DLC1: variants seen among roughly 807,000 people sequenced by gnomAD.
DLC1 encodes the protein DLC1 Rho GTPase activating protein, also known as rho GTPase-activating protein 7.
DLC1 carries 54 observed loss-of-function variants against 140.3 expected under a neutral mutation model. The observed-to-expected ratio is 0.38, with a 90% confidence interval of 0.31 to 0.48. DLC1 has a LOEUF of 0.48. Ranked by LOEUF, DLC1 falls within the 20% of genes least tolerant of loss-of-function variation. The pLI, the probability that DLC1 is intolerant of heterozygous loss-of-function variation, is 0.96. For synonymous variants in DLC1, 986 were observed against 728.1 expected (o/e 1.35, Z -5.70); for missense variants, 2,536 against 1,907.0 (o/e 1.33, Z -6.14).
intron 4 of DLC1, among the ~76,000 whole-genome samples, chr8:13,387,400 G>C (rs941509469): frequency 6.6e-6 from 1 of 151,544 alleles, no homozygotes; most frequent in Non-Finnish European, 1.5e-5. Flanking sequence ...ATGATAACAT[G>C]GTAAAACAAA....
intron 5 of DLC1, among the ~76,000 whole-genome samples, chr8:13,221,702 G>T (rs1828558057): frequency 7.7e-6 from 1 of 129,058 alleles, no homozygotes; most frequent in African/African-American, 3.0e-5. Flanking sequence ...GTGTGTATAT[G>T]TGTGTGTATA....
chr8:13,507,869 G>C (rs6530637), intron 1 of DLC1, among the ~76,000 whole-genome samples: 149,241 of 152,242 alleles, frequency 0.98, 73,230 homozygotes, highest in East Asian at 1. Flanking sequence ...CACATCCAAC[G>C]TTCCATCAGG....
chr8:13,197,358 T>C (rs1474185728), intron 5 of DLC1, among the ~76,000 whole-genome samples: 1 of 151,818 alleles, frequency 6.6e-6, no homozygotes, highest in Non-Finnish European at 1.5e-5. Context: ...ATTCAATTTA[T>C]TTTTTTTGAG....
intron 5 of DLC1, among the ~76,000 whole-genome samples, chr8:13,251,851 A>T: frequency 6.6e-6 from 1 of 152,216 alleles, no homozygotes; most frequent in Admixed American, 6.5e-5. Context: ...TATAATAATT[A>T]TTATTAGAGA....
intron 4 of DLC1, among the ~76,000 whole-genome samples, chr8:13,388,180 T>A (rs1471951317): frequency 1.3e-5 from 2 of 152,078 alleles, no homozygotes; most frequent in East Asian, 3.8e-4. Flanking sequence ...CCAATCAGAC[T>A]GTCTTAGACA....
intron 4 of DLC1, among the ~76,000 whole-genome samples, chr8:13,332,588 G>A (rs1270861654): frequency 6.8e-6 from 1 of 146,314 alleles, no homozygotes; most frequent in Non-Finnish European, 1.5e-5. Flanking sequence ...CCACCACCAC[G>A]CCCCGCTAAT....
At chr8:13,430,468 A>G (rs1445176333) in intron 2 of DLC1, among the ~76,000 whole-genome samples, 1 of 152,180 alleles carries the variant, frequency 6.6e-6, no homozygotes, top group Non-Finnish European at 1.5e-5. Flanking sequence ...TCAGGTGATG[A>G]TTACATATTA....
At chr8:13,198,255 C>A (rs115919754) in intron 5 of DLC1, among the ~76,000 whole-genome samples, 1,905 of 152,188 alleles carry the variant, frequency 0.013, 48 homozygotes, top group African/African-American at 0.043. Context: ...GATAACAGGA[C>A]AAAGAGAGGA....
chr8:13,119,836 A>G (rs936089515), intron 5 of DLC1, among the ~76,000 whole-genome samples: 2 of 151,738 alleles, frequency 1.3e-5, no homozygotes, highest in African/African-American at 4.8e-5. Flanking sequence ...ATTCGCAGCT[A>G]CTCAGGAGGC....
At chr8:13,569,878 C>A (rs190012553) in intron 1 of DLC1, among the ~76,000 whole-genome samples, 1 of 152,162 alleles carries the variant, frequency 6.6e-6, no homozygotes, top group African/African-American at 2.4e-5. Context: ...CGTGCCGCCA[C>A]GCCTGGCTAA....
At chr8:13,495,171 A>G (rs905045767) in intron 2 of DLC1, among the ~76,000 whole-genome samples, 8 of 152,130 alleles carry the variant, frequency 5.3e-5, no homozygotes, top group Admixed American at 2.6e-4. Context: ...ACATTTATAT[A>G]ATTATTATGG....
chr8:13,313,295 C>T (rs573777478), intron 4 of DLC1, among the ~76,000 whole-genome samples: 2 of 152,262 alleles, frequency 1.3e-5, no homozygotes, highest in East Asian at 3.9e-4. Context: ...CAGTCTTTTG[C>T]TAAGTGCAGT....
chr8:13,375,120 C>T (rs1241285251), intron 4 of DLC1, among the ~76,000 whole-genome samples: 5 of 151,702 alleles, frequency 3.3e-5, no homozygotes, highest in Admixed American at 1.3e-4. Context: ...CTCCGCCTCC[C>T]GGCTTCACGC....
intron 2 of DLC1, among the ~76,000 whole-genome samples, chr8:13,495,174 T>G (rs2117181604): frequency 6.6e-6 from 1 of 152,338 alleles, no homozygotes; most frequent in Admixed American, 6.5e-5. Flanking sequence ...TTTATATAAT[T>G]ATTATGGTTA....
intron 1 of DLC1, 119 bp from the exon 2 acceptor site, chr8:13,500,315 G>C (rs957753643): frequency 2.6e-6 from 1 of 379,412 alleles, no homozygotes; most frequent in Non-Finnish European, 4.7e-6. Flanking sequence ...TAAAGCTTCT[G>C]TTTAGTAGCT....
At chr8:13,455,001 C>T (rs1380954741) in intron 2 of DLC1, among the ~76,000 whole-genome samples, 1 of 152,026 alleles carries the variant, frequency 6.6e-6, no homozygotes, top group Non-Finnish European at 1.5e-5. Context: ...ACTGAATCTC[C>T]ATGTGCCAAG....
chr8:13,243,743 G>C (rs1298712982), intron 5 of DLC1, among the ~76,000 whole-genome samples: 1 of 152,144 alleles, frequency 6.6e-6, no homozygotes, highest in African/African-American at 2.4e-5. Flanking sequence ...GAGGTCATCA[G>C]CTGCGAACAA....
At chr8:13,432,521 T>C (rs1234823779) in intron 2 of DLC1, among the ~76,000 whole-genome samples, 1 of 152,190 alleles carries the variant, frequency 6.6e-6, no homozygotes, top group African/African-American at 2.4e-5. Context: ...TCGAACATCA[T>C]TGGAGAAATA....
At chr8:13,444,548 C>G (rs980534075) in intron 2 of DLC1, among the ~76,000 whole-genome samples, 1 of 152,126 alleles carries the variant, frequency 6.6e-6, no homozygotes, top group African/African-American at 2.4e-5. Flanking sequence ...GCATTCTACA[C>G]TACGAAAGGA....
Sources: allele counts gnomAD v4.1 joint callset (sites outside exome capture counted in the v4.1 genomes callset), GRCh38; gene constraint gnomAD v4.1.1; transcripts MANE v1.5; gene names NCBI Gene and HGNC (gene_info 2026-07-23, HGNC 2026-07-21).